The following DYNC2H1 variants were observed in gnomAD, a reference collection of about 807,000 sequenced individuals.
The protein encoded by DYNC2H1 is cytoplasmic dynein 2 heavy chain 1.
DYNC2H1 carries 410 observed loss-of-function variants against 570.0 expected under a neutral mutation model. The observed-to-expected ratio is 0.72, with a 90% CI of 0.66 to 0.78. The LOEUF is 0.78. Among genes scored for constraint, DYNC2H1 ranks in the 30% least tolerant of loss-of-function variants. The pLI is 0.00. For missense variants in DYNC2H1, 4,865 were observed against 5,046.4 expected (o/e 0.96, Z 1.09); for synonymous variants, 1,688 against 1,677.6 (o/e 1.01, Z -0.15).
At chr11:103,435,319 GA>G (rs1337785831) in intron 84 of DYNC2H1, among the ~76,000 whole-genome samples, 1 of 152,012 alleles carries the variant, frequency 6.6e-6, no homozygotes, top group Non-Finnish European at 1.5e-5. Context: ...GTGATATTTA[GA>G]AAATCCAGAA....
chr11:103,355,446 T>A (rs1366921605), intron 82 of DYNC2H1, among the ~76,000 whole-genome samples: 1 of 152,168 alleles, frequency 6.6e-6, no homozygotes, highest in Non-Finnish European at 1.5e-5. Context: ...GGAAACAGTT[T>A]ATGCCAAATA....
intron 61 of DYNC2H1, among the ~76,000 whole-genome samples, chr11:103,235,068 C>G (rs918575255): frequency 6.6e-6 from 1 of 151,782 alleles, no homozygotes; most frequent in Non-Finnish European, 1.5e-5. Context: ...TTAATTAGTT[C>G]ACCCTTCATT....
intron 61 of DYNC2H1, 34 bp downstream of exon 61, chr11:103,234,194 C>T (rs1864133394): frequency 1.9e-6 from 3 of 1,557,712 alleles, no homozygotes; most frequent in African/African-American, 1.4e-5. Flanking sequence ...AGGAGTCTAC[C>T]TTTAAACTGC....
chr11:103,449,327 G>A (rs1406343140), intron 85 of DYNC2H1, among the ~76,000 whole-genome samples: 5 of 152,178 alleles, frequency 3.3e-5, no homozygotes, highest in African/African-American at 4.8e-5. Flanking sequence ...TGAGTGAGAT[G>A]GGATAACTCT....
At chr11:103,379,237 C>T (rs12419269) in intron 83 of DYNC2H1, among the ~76,000 whole-genome samples, 27,969 of 152,102 alleles carry the variant, frequency 0.18, 2,777 homozygotes, top group Admixed American at 0.26. Flanking sequence ...TTAAAGTGCC[C>T]CAACACTTTC....
chr11:103,465,294 C>T lies in DYNC2H1; in HGVS notation c.12649-3295C>T, dbSNP rs539428079. Reference sequence around the variant, plus strand: ...AAGATATACATTTCAGTCGTGATCACGCAGATAATTTGAGAAGTGGAAAAA... The same window carrying T: ...AAGATATACATTTCAGTCGTGATCATGCAGATAATTTGAGAAGTGGAAAAA... On this transcript the variant is annotated intron_variant, in intron 87 of 88. Transcript: ENST00000375735. This position sits in a 1 kb window ranked among gnomAD's most constrained non-coding sequence, Gnocchi z 4.9. 6.6e-6 allele frequency among the ~76,000 whole-genome samples: 1 copy of T among 152,106 alleles called. No homozygotes were observed. Among genetic ancestry groups the T allele is most frequent in the Admixed American group, 6.5e-5 (1 of 15,272 alleles).
rs1860189303 is a variant in DYNC2H1, at chr11:103,145,388, T to C, written c.2702+1993T>C. On this transcript the variant is annotated intron_variant, in intron 18 of 88. Coordinates refer to ENST00000375735, the MANE Select transcript of DYNC2H1 (RefSeq NM_001377.3). This position sits in a 1 kb window ranked among gnomAD's most constrained non-coding sequence, Gnocchi z 4.2. ...GGAAAAGATAGTGCTTTTGTAGTGC[T>C]TGCACATGGGGTTTTTCTTCTCTGT... Among the ~76,000 whole-genome samples, 1 of 152,148 alleles carries C rather than the reference T, an allele frequency of 6.6e-6. No individual in the cohort carries two copies. The highest frequency in any genetic ancestry group is 1.5e-5 in the Non-Finnish European group (1 of 68,022).
rs369637352 is a variant in DYNC2H1, at chr11:103,215,734, A to G, written c.8708A>G (p.Lys2903Arg). The G allele has an allele frequency of 1.1e-5, 18 of 1,608,648 alleles. No individual in the cohort carries two copies. The highest frequency in any genetic ancestry group is 6.8e-5 in the Admixed American group (4 of 59,258). ...TTATTGATGTAGGCTGGTGTATCTAAACTAAATGAAGCTAAAGCTCTTGTG... is the reference window on the plus strand; with the variant it reads ...TTATTGATGTAGGCTGGTGTATCTAGACTAAATGAAGCTAAAGCTCTTGTG... ...RQSHLQAGVS[K>R]LNEAKALVDE... is the part of the protein sequence containing the mutation. Residue 2903 changes from lysine to arginine, a missense_variant, in exon 55 of 89, where the codon AAA becomes AGA. By Grantham distance (26) the Lys-to-Arg change is conservative (BLOSUM62 2). Around this residue, in one of 5 missense-constraint regions of DYNC2H1, gnomAD observed 2,401 missense variants for 2,454.6 expected, o/e 0.98. Transcript: ENST00000375735.
At chr11:103,457,862 CTTT>C (rs1237571837) in intron 87 of DYNC2H1, among the ~76,000 whole-genome samples, 1 of 152,046 alleles carries the variant, frequency 6.6e-6, no homozygotes, top group African/African-American at 2.4e-5. Flanking sequence ...GCTCAAAACA[CTTT>C]TTACTTTATA....
intron 88 of DYNC2H1, among the ~76,000 whole-genome samples, chr11:103,474,905 C>G (rs1299985050): frequency 1.3e-5 from 2 of 152,070 alleles, no homozygotes; most frequent in East Asian, 3.9e-4. Context: ...ATTGCATTGT[C>G]TTCTTTCAAA....
At chr11:103,402,912 A>G (rs1942701760) in intron 84 of DYNC2H1, 1 of 152,082 alleles carries the variant, frequency 6.6e-6, no homozygotes, top group South Asian at 2.1e-4. Context: ...TTCATTTTAA[A>G]CTGGAAGCCT....
intron 85 of DYNC2H1, among the ~76,000 whole-genome samples, chr11:103,443,914 G>A (rs1944348770): frequency 6.6e-6 from 1 of 151,356 alleles, no homozygotes; most frequent in Non-Finnish European, 1.5e-5. Context: ...TTATTATTTG[G>A]TCCTCACAAA....
chr11:103,255,651 A>G (rs1865027372), intron 67 of DYNC2H1, 117 bp downstream of exon 67: 2 of 1,054,954 alleles, frequency 1.9e-6, no homozygotes, highest in Non-Finnish European at 2.6e-6. Context: ...AAGACATATT[A>G]GTGTATATCT....
rs576345131 is a variant in DYNC2H1, at chr11:103,181,001, C to A, written c.6348-756C>A. On this transcript the variant is annotated intron_variant, in intron 39 of 88. Transcript: ENST00000375735. This position sits in a 1 kb window ranked among gnomAD's most constrained non-coding sequence, Gnocchi z 5.0. Reference sequence around the variant, plus strand: ...CAAAAATCGTGAGGTCTTGTCAATTCTAAAATAATATGAATTATTTTTACT... The same window carrying A: ...CAAAAATCGTGAGGTCTTGTCAATTATAAAATAATATGAATTATTTTTACT... Among the ~76,000 whole-genome samples, 1 of 151,296 alleles carries A rather than the reference C, an allele frequency of 6.6e-6. No individual in the cohort carries two copies. The highest frequency in any genetic ancestry group is 6.6e-5 in the Admixed American group (1 of 15,144).
rs535450960 is a variant in DYNC2H1, at chr11:103,239,293, A to C, written c.9819+2754A>C. Among the ~76,000 whole-genome samples the C allele has an allele frequency of 6.6e-5, 10 of 152,194 alleles. No homozygotes were observed. The highest frequency in any genetic ancestry group is 2.4e-4 in the African/African-American group (10 of 41,552). On this transcript the variant is annotated intron_variant, in intron 63 of 88. Coordinates refer to ENST00000375735, the MANE Select transcript of DYNC2H1 (RefSeq NM_001377.3). The surrounding 1 kb of genome is among the most constrained non-coding windows in gnomAD (Gnocchi z 4.3). ...CAAACTAATGTGATACTAGTCTAAG[A>C]ATATAAAATTATAATGGTAAATTTA...
In DYNC2H1 at chr11:103,133,836, C is replaced by A; in HGVS notation, c.2106+129C>A. ...AGTTACAAAAATAGTACAGAGAAAT[C>A]ACAATTCCCATTTGCCCAAATTCCC... On this transcript the variant is annotated intron_variant, in intron 14 of 88. Transcript: ENST00000375735. The surrounding 1 kb of genome is among the most constrained non-coding windows in gnomAD (Gnocchi z 4.8). 2 of 1,002,760 alleles carry A rather than the reference C, an allele frequency of 2.0e-6. No individual in the cohort carries two copies. The highest frequency in any genetic ancestry group is 2.8e-6 in the Non-Finnish European group (2 of 716,888). 62.1% of individuals were successfully genotyped at this position (1,002,760 alleles called of 1,614,324 possible). A position where few individuals can be genotyped will look rare whatever the true frequency, so the allele number is the denominator to read the frequency against.
Position 103,439,400 on chromosome 11 carries a change from G to A in DYNC2H1, c.12456+3368G>A, listed in dbSNP as rs1944179871. Reference sequence around the variant, plus strand: ...TGGTTTTCAAGTAACTAAAAGCAAAGCATAGATTGCAAGGAGGGGTGTTCA... The same window carrying A: ...TGGTTTTCAAGTAACTAAAAGCAAAACATAGATTGCAAGGAGGGGTGTTCA... On this transcript the variant is annotated intron_variant, in intron 85 of 88. Coordinates refer to ENST00000375735, the MANE Select transcript of DYNC2H1 (RefSeq NM_001377.3). This position sits in a 1 kb window ranked among gnomAD's most constrained non-coding sequence, Gnocchi z 4.1. 6.6e-6 allele frequency among the ~76,000 whole-genome samples: 1 copy of A among 152,100 alleles called. No individual in the cohort carries two copies. The highest frequency in any genetic ancestry group is 2.1e-4 in the South Asian group (1 of 4,828).
In DYNC2H1 at chr11:103,153,044, G is replaced by A. The variant is rs192938040; in HGVS notation, c.3097-259G>A. Among the ~76,000 whole-genome samples, 30 of 151,984 alleles carry A rather than the reference G, an allele frequency of 2.0e-4. No homozygotes were observed. The East Asian group carries it at 5.2e-3, about 26-fold the overall frequency. Reference sequence around the variant, plus strand: ...CTTTGTTGTTAGTTGTACTAGGTGCGGTTAACCACATGAACGATTTTTAAA... The same window carrying A: ...CTTTGTTGTTAGTTGTACTAGGTGCAGTTAACCACATGAACGATTTTTAAA... On this transcript the variant is annotated intron_variant, in intron 21 of 88. Transcript: ENST00000375735.
intron 18 of DYNC2H1, among the ~76,000 whole-genome samples, chr11:103,144,675 C>T (rs925543803): frequency 1.3e-5 from 2 of 150,888 alleles, no homozygotes; most frequent in African/African-American, 4.9e-5. Context: ...ATCTGGGAGT[C>T]TTACATTCAA....
Sources: allele counts gnomAD v4.1 joint callset (sites outside exome capture counted in the v4.1 genomes callset), GRCh38; gene constraint gnomAD v4.1.1; regional missense constraint gnomAD v4.1.1; non-coding constraint Gnocchi (gnomAD v3.1); transcripts MANE v1.5; gene names NCBI Gene and HGNC (gene_info 2026-07-23, HGNC 2026-07-21).